FAM53B: variants seen among roughly 807,000 people sequenced by gnomAD.
FAM53B encodes the protein family with sequence similarity 53 member B, also known as protein FAM53B.
In FAM53B, 12 loss-of-function variants were observed where a neutral mutation model predicts 32.7. The ratio of observed to expected loss-of-function variants is 0.37; its 90% CI spans 0.24 to 0.59. The LOEUF is 0.59. Among genes scored for constraint, FAM53B ranks in the 20% least tolerant of loss-of-function variants. The pLI, the probability that FAM53B is intolerant of heterozygous loss-of-function variation, is 0.72. For missense variants in FAM53B, 477 were observed against 577.7 expected, an observed-to-expected ratio of 0.83 and a Z score of 1.79; for synonymous variants, 234 against 228.7, an observed-to-expected ratio of 1.02 and a Z score of -0.21.
intron 4 of FAM53B, among the ~76,000 whole-genome samples, chr10:124,630,672 ACT>A (rs1315854451): frequency 6.6e-6 from 1 of 151,944 alleles, no homozygotes; most frequent in Non-Finnish European, 1.5e-5. Flanking sequence ...GATACTCAAG[ACT>A]CTTCCCAGAC....
Position 124,657,118 on chromosome 10 carries a change from G to GTA in FAM53B, c.906+24487_906+24488dup, listed in dbSNP as rs113363316. 1.6e-3 allele frequency among the ~76,000 whole-genome samples: 207 copies of GTA among 128,930 alleles called. 1 individual carries two copies. Among genetic ancestry groups the GTA allele is most frequent in the African/African-American group, 5.6e-3 (201 of 35,664 alleles). The allele number at this position is 128,930 out of a possible 152,430, so 84.6% of individuals were successfully genotyped here. ...TATATGTGTATATATATGTGTGTGT[G>GTA]TATATATATGTGTGTATATACATAT... On this transcript the variant is annotated intron_variant, in intron 4 of 4. Transcript: ENST00000337318.
intron 3 of FAM53B, among the ~76,000 whole-genome samples, chr10:124,694,823 T>C (rs1370871891): frequency 6.6e-6 from 1 of 152,190 alleles, no homozygotes; most frequent in African/African-American, 2.4e-5. Context: ...GATCTCCCTG[T>C]CTCCATCTTC....
At chr10:124,666,282 G>C (rs1266072696) in intron 4 of FAM53B, among the ~76,000 whole-genome samples, 1 of 152,252 alleles carries the variant, frequency 6.6e-6, no homozygotes, top group Non-Finnish European at 1.5e-5. Context: ...AGACAGGATA[G>C]CTCTGGAACC....
At chr10:124,670,844 T>C (rs1949703401) in intron 4 of FAM53B, among the ~76,000 whole-genome samples, 1 of 152,124 alleles carries the variant, frequency 6.6e-6, no homozygotes, top group Non-Finnish European at 1.5e-5. Flanking sequence ...AGCACAAATA[T>C]TGCCATCAGA....
rs533193889 is a variant in FAM53B at position 124,623,751 on chromosome 10, A to G, written c.907-147T>C. 2.0e-5 allele frequency: 16 copies of G among 813,276 alleles called. No homozygotes were observed. In the African/African-American group the frequency reaches 2.6e-4, roughly 13 times the overall value. The allele number at this position is 813,276 out of a possible 1,614,324, so 50.4% of individuals were successfully genotyped here. On this transcript the variant is annotated intron_variant, in intron 4 of 4. Coordinates refer to ENST00000337318, the MANE Select transcript of FAM53B (RefSeq NM_014661.4). ...CTCCTATCCAGGCAAGGACGGGCCC[A>G]TGAGCAACGTACTCATGAAGATGCA...
chr10:124,632,326 C>T (rs1949396656), intron 4 of FAM53B, among the ~76,000 whole-genome samples: 1 of 152,260 alleles, frequency 6.6e-6, no homozygotes, highest in Non-Finnish European at 1.5e-5. Flanking sequence ...ACACTCAGGA[C>T]AGGACTCGTG....
chr10:124,723,376 C>T (rs915631237), intron 1 of FAM53B, among the ~76,000 whole-genome samples: 3 of 152,230 alleles, frequency 2.0e-5, no homozygotes, highest in Non-Finnish European at 4.4e-5. Context: ...GTTGTTAACA[C>T]TAATTCAAAG....
intron 4 of FAM53B, among the ~76,000 whole-genome samples, chr10:124,676,272 C>T (rs191969645): frequency 8.9e-4 from 135 of 152,348 alleles, no homozygotes; most frequent in Admixed American, 2.3e-3. Flanking sequence ...GATCTTCACA[C>T]TGTCTGCAGT....
chr10:124,663,697 C>T (rs192235574), intron 4 of FAM53B, among the ~76,000 whole-genome samples: 1 of 152,308 alleles, frequency 6.6e-6, no homozygotes, highest in Admixed American at 6.5e-5. Context: ...GAACTGCACT[C>T]TGGGAGCTGG....
chr10:124,716,560 C>A (rs1166623351), intron 1 of FAM53B, among the ~76,000 whole-genome samples: 1 of 152,154 alleles, frequency 6.6e-6, no homozygotes, highest in African/African-American at 2.4e-5. Flanking sequence ...GGGAATGAGA[C>A]AGCCCATGTT....
At chr10:124,638,674 G>A (rs1949449475) in intron 4 of FAM53B, among the ~76,000 whole-genome samples, 1 of 152,212 alleles carries the variant, frequency 6.6e-6, no homozygotes. Flanking sequence ...GTCCATGAAA[G>A]CAGAGACCCC....
chr10:124,708,779 G>A (rs569623887), intron 1 of FAM53B, among the ~76,000 whole-genome samples: 1 of 152,370 alleles, frequency 6.6e-6, no homozygotes, highest in South Asian at 2.1e-4. Flanking sequence ...CACAAGGCCT[G>A]AGAGGTGAGC....
intron 4 of FAM53B, among the ~76,000 whole-genome samples, chr10:124,634,875 G>A (rs191971605): frequency 6.6e-6 from 1 of 152,238 alleles, no homozygotes; most frequent in East Asian, 1.9e-4. Context: ...AGAACTCTGT[G>A]AATATATTCA....
rs148112633 is a variant in FAM53B at position 124,712,962 on chromosome 10, G to A, written c.-174-6075C>T. 3.8e-4 allele frequency among the ~76,000 whole-genome samples: 58 copies of A among 152,322 alleles called. No homozygotes were observed. The East Asian group carries it at 9.1e-3, about 24-fold the overall frequency. Reference sequence around the variant, plus strand: ...CCCAAGAGTGCATCTGCCCAAGAACGGCCCCAAACTTGCCAGCATTGTGCC... The same window carrying A: ...CCCAAGAGTGCATCTGCCCAAGAACAGCCCCAAACTTGCCAGCATTGTGCC... On this transcript the variant is annotated intron_variant, in intron 1 of 4. Coordinates refer to ENST00000337318, the MANE Select transcript of FAM53B (RefSeq NM_014661.4).
At chr10:124,636,671 A>G (rs1003262210) in intron 4 of FAM53B, among the ~76,000 whole-genome samples, 1 of 146,214 alleles carries the variant, frequency 6.8e-6, no homozygotes, top group Non-Finnish European at 1.5e-5. Context: ...CACTGGGGGC[A>G]GCTGCCAGGC....
At chr10:124,690,093 T>C (rs1949824404) in intron 3 of FAM53B, among the ~76,000 whole-genome samples, 2 of 152,250 alleles carry the variant, frequency 1.3e-5, no homozygotes, top group South Asian at 2.1e-4. Flanking sequence ...GATGCATCTC[T>C]TAACTGATGT....
intron 4 of FAM53B, among the ~76,000 whole-genome samples, chr10:124,638,511 A>T (rs564314649): frequency 2.6e-5 from 4 of 152,344 alleles, no homozygotes; most frequent in African/African-American, 9.6e-5. Context: ...TTGAAATGAG[A>T]TCACAAGCAG....
At position 124,620,355 on chromosome 10, in the gene FAM53B, G is replaced by GCACCCCC. The variant is rs139972068; in HGVS notation, c.*2886_*2887insGGGGGTG. The GCACCCCC allele has an allele frequency of 1.5e-5, 2 of 130,712 alleles. No individual in the cohort carries two copies. Among genetic ancestry groups the GCACCCCC allele is most frequent in the African/African-American group, 5.9e-5 (2 of 33,936 alleles). 8.1% of individuals were successfully genotyped at this position (130,712 alleles called of 1,614,324 possible). A position where few individuals can be genotyped will look rare whatever the true frequency, so the allele number is the denominator to read the frequency against. ...ATGAGTGGGGTGCATGTGGCACTAA[G>GCACCCCC]CCCCCCCCACCGCCCCGGCTTTCCT... On this transcript the variant is annotated 3_prime_UTR_variant, in exon 5 of 5. Transcript: ENST00000337318.
intron 1 of FAM53B, among the ~76,000 whole-genome samples, chr10:124,716,780 G>A (rs1199470064): frequency 1.3e-5 from 2 of 152,122 alleles, no homozygotes. Context: ...AGGGACAAGA[G>A]GCACGGAGAG....
Sources: allele counts gnomAD v4.1 joint callset (sites outside exome capture counted in the v4.1 genomes callset), GRCh38; gene constraint gnomAD v4.1.1; transcripts MANE v1.5; gene names NCBI Gene and HGNC (gene_info 2026-07-23, HGNC 2026-07-21).